Variants in KLRG2 observed in about 807,000 individuals in gnomAD.
The protein encoded by KLRG2 is killer cell lectin like receptor G2.
KLRG2 carries 39 observed loss-of-function variants against 35.4 expected under a neutral mutation model. The ratio of observed to expected loss-of-function variants is 1.10; its 90% CI spans 0.85 to 1.44. The LOEUF (loss-of-function observed/expected upper bound fraction) is 1.44, where lower values mean the gene tolerates loss of function less well. Among genes scored for constraint, KLRG2 ranks in the 40% most tolerant of loss-of-function variants. The pLI, the probability that KLRG2 is intolerant of heterozygous loss-of-function variation, is 0.00. For missense variants in KLRG2, 632 were observed against 570.9 expected, an observed-to-expected ratio of 1.11 and a Z score of -1.09; for synonymous variants, 283 against 265.8, an observed-to-expected ratio of 1.06 and a Z score of -0.63.
At chr7:139,461,797 T>G (rs573433785) in intron 3 of KLRG2, among the ~76,000 whole-genome samples, 1 of 152,254 alleles carries the variant, frequency 6.6e-6, no homozygotes, top group African/African-American at 2.4e-5. Context: ...GCACCCAGGT[T>G]AAATAAACAG....
At chr7:139,472,242 A>T (rs542366332) in intron 3 of KLRG2, among the ~76,000 whole-genome samples, 4 of 152,282 alleles carry the variant, frequency 2.6e-5, no homozygotes, top group Non-Finnish European at 5.9e-5. Context: ...TTGGGGAAAA[A>T]AATCATGACT....
the KLRG2 span, among the ~76,000 whole-genome samples, chr7:139,431,967 C>G: frequency 6.6e-6 from 1 of 151,840 alleles, no homozygotes; most frequent in African/African-American, 2.4e-5. Flanking sequence ...TTTAAAACAT[C>G]TAATTTCTAT....
At chr7:139,472,508 G>A (rs1173463804) in intron 3 of KLRG2, among the ~76,000 whole-genome samples, 1 of 151,874 alleles carries the variant, frequency 6.6e-6, no homozygotes, top group South Asian at 2.1e-4. Context: ...ACTTTGGGAG[G>A]TCAGGGCAGG....
rs1796902415 is a variant in KLRG2, at chr7:139,478,853, G to A, written c.1005+774C>T. Among the ~76,000 whole-genome samples, 2 of 151,998 alleles carry A rather than the reference G, an allele frequency of 1.3e-5. 1 individual carries two copies. Among genetic ancestry groups the A allele is most frequent in the South Asian group, 4.1e-4 (2 of 4,832 alleles). Reference sequence around the variant, plus strand: ...AACCTGCAGCCTCAAACCAAGCCCTGGCAATCTGCATTATAAAGCTGAGCT... The same window carrying A: ...AACCTGCAGCCTCAAACCAAGCCCTAGCAATCTGCATTATAAAGCTGAGCT... On this transcript the variant is annotated intron_variant, in intron 3 of 4. Coordinates refer to ENST00000340940, the MANE Select transcript of KLRG2 (RefSeq NM_198508.4).
the KLRG2 span, among the ~76,000 whole-genome samples, chr7:139,429,276 A>T: frequency 6.6e-6 from 1 of 152,336 alleles, no homozygotes; most frequent in South Asian, 2.1e-4. Flanking sequence ...ACTGCACTCC[A>T]GCCTGGGTGA....
chr7:139,427,838 C>T, the KLRG2 span, among the ~76,000 whole-genome samples: 1 of 152,118 alleles, frequency 6.6e-6, no homozygotes, highest in Non-Finnish European at 1.5e-5. Flanking sequence ...TCATGTTTTC[C>T]AACATAAATT....
chr7:139,432,527 G>T, the KLRG2 span, among the ~76,000 whole-genome samples: 1 of 149,668 alleles, frequency 6.7e-6, no homozygotes. Context: ...CGGTATCTAT[G>T]GGGGATTGAT....
At position 139,453,666 on chromosome 7, in the gene KLRG2, CCA is replaced by C; in HGVS notation, c.1149_1150del (p.Cys383TrpfsTer76). The stretch of plus-strand genomic sequence containing the variant: ...CACCAGCGTGCCTTCCTCCAGGGCC[CCA>C]CAGTTGATATCCAGATTGTCCTCGC... On this transcript the variant is annotated frameshift_variant, in exon 5 of 5. Transcript: ENST00000340940. LOFTEE classifies it high-confidence loss of function. 6.2e-7 allele frequency: 1 copy of C among 1,614,058 alleles called. No homozygotes were observed. Among genetic ancestry groups the C allele is most frequent in the Non-Finnish European group, 8.5e-7 (1 of 1,179,996 alleles).
chr7:139,455,101 C>T (rs1796447163), intron 3 of KLRG2, among the ~76,000 whole-genome samples: 1 of 151,500 alleles, frequency 6.6e-6, no homozygotes, highest in Non-Finnish European at 1.5e-5. Context: ...TCACTGCAGC[C>T]TCCGCCTCTC....
chr7:139,443,094 C>CTTTTTTTT, the KLRG2 span, among the ~76,000 whole-genome samples: 6 of 120,584 alleles, frequency 5.0e-5, no homozygotes, highest in African/African-American at 7.2e-5. Context: ...GGAAAAAAAA[C>CTTTTTTTT]TTTTTTTTTT....
the KLRG2 span, among the ~76,000 whole-genome samples, chr7:139,445,781 G>GTATATATATATATA: frequency 2.6e-4 from 26 of 98,402 alleles, no homozygotes; most frequent in African/African-American, 1.5e-3. Flanking sequence ...ATATATATAT[G>GTATATATATATATA]TATATATATA....
At chr7:139,478,600 G>A (rs554757753) in intron 3 of KLRG2, among the ~76,000 whole-genome samples, 1 of 152,090 alleles carries the variant, frequency 6.6e-6, no homozygotes, top group African/African-American at 2.4e-5. Context: ...AACCCGGGAG[G>A]TGAAGGTTGC....
At chr7:139,480,318 A>T in intron 1 of KLRG2, 71 bp from the exon 2 acceptor site, 1 of 821,320 alleles carries the variant, frequency 1.2e-6, no homozygotes, top group South Asian at 1.4e-5. Flanking sequence ...AGAACCACAG[A>T]CACAGCACAC....
intron 3 of KLRG2, among the ~76,000 whole-genome samples, chr7:139,462,060 T>C (rs1398937107): frequency 2.0e-5 from 3 of 152,222 alleles, no homozygotes; most frequent in Non-Finnish European, 4.4e-5. Flanking sequence ...CCTTTGAATC[T>C]TGGTGCCATC....
Position 139,454,180 on chromosome 7 carries a change from G to C in KLRG2, c.1040C>G (p.Ser347Cys). Residue 347 changes from serine to cysteine, a missense_variant, in exon 4 of 5, where the codon TCC becomes TGC. By Grantham distance (112) the Ser-to-Cys change is moderately radical. Transcript: ENST00000340940. ...FLGRYPVSRH[S>C]WVGAWRGPQG... ...GGGGCCTCGCCAGGCCCCCACCCAG[G>C]AGTGCCTGGAGACTGGGTATCTGCC... is the stretch of plus-strand genomic sequence containing the variant. 2 of 1,545,022 alleles carry C rather than the reference G, an allele frequency of 1.3e-6. No individual in the cohort carries two copies. Among genetic ancestry groups the C allele is most frequent in the Non-Finnish European group, 8.8e-7 (1 of 1,142,588 alleles).
the KLRG2 span, among the ~76,000 whole-genome samples, chr7:139,438,737 G>T: frequency 6.6e-6 from 1 of 150,494 alleles, no homozygotes; most frequent in Non-Finnish European, 1.5e-5. Flanking sequence ...GTGCAATGGC[G>T]TGATCTCAGC....
downstream of KLRG2, among the ~76,000 whole-genome samples, chr7:139,450,194 C>G (rs1796354463): frequency 6.6e-6 from 1 of 151,918 alleles, no homozygotes; most frequent in South Asian, 2.1e-4. Flanking sequence ...AGGCACCCAC[C>G]ACCACGCCTG....
the KLRG2 span, among the ~76,000 whole-genome samples, chr7:139,445,227 C>T: frequency 2.0e-5 from 3 of 152,044 alleles, no homozygotes; most frequent in African/African-American, 7.2e-5. Flanking sequence ...ATTACAGGTG[C>T]CCACCATTGT....
At chr7:139,481,686 G>A (rs555934648) in intron 1 of KLRG2, among the ~76,000 whole-genome samples, 1 of 152,294 alleles carries the variant, frequency 6.6e-6, no homozygotes, top group South Asian at 2.1e-4. Context: ...CACTTTGGGA[G>A]GCTGAGGCGG....
Sources: gnomAD v4.1 joint callset for allele counts (sites outside exome capture counted in the v4.1 genomes callset) on GRCh38, gnomAD v4.1.1 for gene constraint, MANE v1.5 for transcripts, NCBI Gene and HGNC (gene_info 2026-07-23, HGNC 2026-07-21) for gene names.